Variants in FHIT observed in about 807,000 individuals in gnomAD.
FHIT encodes bis(5'-adenosyl)-triphosphatase.
A neutral mutation model predicts 17.9 loss-of-function variants in FHIT; 19 were observed. The ratio of observed to expected loss-of-function variants is 1.06; its 90% CI spans 0.74 to 1.56. The LOEUF is 1.56. FHIT is among the 40% of genes most tolerant of loss of function. FHIT has a pLI of 0.00. For synonymous variants in FHIT, 81 were observed against 69.7 expected, an observed-to-expected ratio of 1.16 and a Z score of -0.81; for missense variants, 248 against 189.2, an observed-to-expected ratio of 1.31 and a Z score of -1.82.
chr3:59,828,843 C>G (rs1159840440), intron 8 of FHIT, among the ~76,000 whole-genome samples: 29 of 146,780 alleles, frequency 2.0e-4, no homozygotes, highest in Non-Finnish European at 3.6e-4. Context: ...CAATGGTACT[C>G]TCTCTGTGTG....
chr3:60,875,475 A>C (rs1704605003), intron 3 of FHIT, among the ~76,000 whole-genome samples: 1 of 152,174 alleles, frequency 6.6e-6, no homozygotes, highest in Non-Finnish European at 1.5e-5. Context: ...GCCCTCTGCC[A>C]CAGTGCTAAC....
chr3:60,424,754 G>C (rs1702602373), intron 5 of FHIT, among the ~76,000 whole-genome samples: 1 of 152,052 alleles, frequency 6.6e-6, no homozygotes, highest in Non-Finnish European at 1.5e-5. Context: ...ACATAGAAGA[G>C]CAACTTTTAA....
At chr3:61,161,461 C>T (rs1056110913) in intron 2 of FHIT, among the ~76,000 whole-genome samples, 3 of 152,172 alleles carry the variant, frequency 2.0e-5, no homozygotes, top group Non-Finnish European at 2.9e-5. Context: ...CTTGGCCTCC[C>T]AAAGTGCTGG....
At chr3:60,364,869 TTCTCC>T (rs972981362) in intron 5 of FHIT, among the ~76,000 whole-genome samples, 3 of 152,148 alleles carry the variant, frequency 2.0e-5, no homozygotes, top group Non-Finnish European at 4.4e-5. Flanking sequence ...AACATTCACC[TTCTCC>T]TGCTTTTGGA....
intron 5 of FHIT, among the ~76,000 whole-genome samples, chr3:60,506,228 T>C (rs746563389): frequency 6.6e-6 from 1 of 152,120 alleles, no homozygotes; most frequent in African/African-American, 2.4e-5. Flanking sequence ...GCACACATGG[T>C]TGATGTCTAT....
chr3:60,144,228 T>C (rs1018270011), intron 5 of FHIT, among the ~76,000 whole-genome samples: 1 of 152,196 alleles, frequency 6.6e-6, no homozygotes, highest in Non-Finnish European at 1.5e-5. Flanking sequence ...ATGAAACTCA[T>C]GAGCAAGGCT....
chr3:60,224,754 C>T (rs901626033), intron 5 of FHIT, among the ~76,000 whole-genome samples: 11 of 142,470 alleles, frequency 7.7e-5, no homozygotes, highest in Non-Finnish European at 6.0e-5. Context: ...TTGACAGGGT[C>T]TTGCTCTGTC....
intron 5 of FHIT, among the ~76,000 whole-genome samples, chr3:60,094,087 A>T (rs1324234939): frequency 6.6e-6 from 1 of 152,176 alleles, no homozygotes; most frequent in Non-Finnish European, 1.5e-5. Context: ...TTAAAAAAAA[A>T]TATTGAAGAT....
At chr3:59,827,867 T>C (rs1049152985) in intron 8 of FHIT, among the ~76,000 whole-genome samples, 7 of 152,268 alleles carry the variant, frequency 4.6e-5, no homozygotes, top group African/African-American at 1.7e-4. Flanking sequence ...GATTGCTCTC[T>C]ACCATTTGCC....
intron 3 of FHIT, among the ~76,000 whole-genome samples, chr3:61,011,421 A>T (rs1382248191): frequency 6.6e-6 from 1 of 152,186 alleles, no homozygotes; most frequent in African/African-American, 2.4e-5. Flanking sequence ...ATGAATCCAG[A>T]TCACCAATAT....
intron 5 of FHIT, among the ~76,000 whole-genome samples, chr3:60,369,788 A>G (rs1700249846): frequency 6.6e-6 from 1 of 152,148 alleles, no homozygotes; most frequent in South Asian, 2.1e-4. Context: ...TTAAGCATTC[A>G]GTTCTGCAGA....
intron 5 of FHIT, among the ~76,000 whole-genome samples, chr3:60,063,358 T>C (rs1403180351): frequency 6.6e-6 from 1 of 152,170 alleles, no homozygotes; most frequent in Admixed American, 6.5e-5. Flanking sequence ...GAAACTGATA[T>C]ACTCCAGATA....
At chr3:60,082,726 G>C (rs1703342489) in intron 5 of FHIT, among the ~76,000 whole-genome samples, 1 of 152,114 alleles carries the variant, frequency 6.6e-6, no homozygotes, top group Non-Finnish European at 1.5e-5. Flanking sequence ...CTGATGATTA[G>C]TGAGGTTGAG....
intron 2 of FHIT, among the ~76,000 whole-genome samples, chr3:61,117,646 A>T (rs1248106089): frequency 2.6e-5 from 4 of 152,208 alleles, no homozygotes; most frequent in Non-Finnish European, 4.4e-5. Flanking sequence ...GCTAATTTTT[A>T]TCTGACGAGT....
chr3:60,599,646 T>C (rs1346997531), intron 4 of FHIT, among the ~76,000 whole-genome samples: 2 of 147,516 alleles, frequency 1.4e-5, no homozygotes, highest in East Asian at 4.0e-4. Flanking sequence ...ATATCACAAC[T>C]GTACTCCCAA....
chr3:60,965,408 T>C (rs782159480), intron 3 of FHIT, among the ~76,000 whole-genome samples: 4 of 152,210 alleles, frequency 2.6e-5, no homozygotes, highest in Non-Finnish European at 5.9e-5. Flanking sequence ...AGTTTGTTAT[T>C]CTGATCTTCT....
At chr3:60,494,759 C>T (rs190490427) in intron 5 of FHIT, among the ~76,000 whole-genome samples, 2 of 152,228 alleles carry the variant, frequency 1.3e-5, no homozygotes, top group East Asian at 1.9e-4. Context: ...TATTTCACTT[C>T]GCAGAATGAC....
intron 3 of FHIT, among the ~76,000 whole-genome samples, chr3:61,029,167 G>T (rs1194287842): frequency 3.3e-5 from 5 of 152,102 alleles, no homozygotes; most frequent in African/African-American, 1.2e-4. Flanking sequence ...GCCTATAAGG[G>T]AATGATAAAT....
At chr3:60,793,697 G>T (rs1700870391) in intron 4 of FHIT, among the ~76,000 whole-genome samples, 1 of 152,142 alleles carries the variant, frequency 6.6e-6, no homozygotes, top group African/African-American at 2.4e-5. Context: ...GCCAAGCGAG[G>T]GTGTGATTCA....
Sources: gnomAD v4.1 joint callset for allele counts (sites outside exome capture counted in the v4.1 genomes callset) on GRCh38, gnomAD v4.1.1 for gene constraint, MANE v1.5 for transcripts, NCBI Gene and HGNC (gene_info 2026-07-23, HGNC 2026-07-21) for gene names.